The following BRAF variants were observed in gnomAD, a reference collection of about 807,000 sequenced individuals.
BRAF encodes the protein B-Raf proto-oncogene, serine/threonine kinase.
BRAF carries 16 observed loss-of-function variants against 104.6 expected under a neutral mutation model. The observed-to-expected ratio is 0.15, with a 90% CI of 0.10 to 0.23. The LOEUF is 0.23. Among genes scored for constraint, BRAF ranks in the 10% least tolerant of loss-of-function variants. The pLI is 1.00. For missense variants in BRAF, 541 were observed against 937.3 expected, an observed-to-expected ratio of 0.58 and a Z score of 5.52; for synonymous variants, 310 against 341.6, an observed-to-expected ratio of 0.91 and a Z score of 1.02.
At chr7:140,801,630 T>G in intron 5 of BRAF, 70 bp from the exon 6 acceptor site, 1 of 1,457,742 alleles carries the variant, frequency 6.9e-7, no homozygotes, top group African/African-American at 1.4e-5. Flanking sequence ...ACGTATCTAC[T>G]CTCTTGTTTA....
chr7:140,727,187 T>C (rs1476863391), intron 19 of BRAF, among the ~76,000 whole-genome samples: 2 of 147,600 alleles, frequency 1.4e-5, no homozygotes, highest in African/African-American at 4.9e-5. Context: ...ATTTTTTTCT[T>C]TTTTTTTTTT....
intron 14 of BRAF, among the ~76,000 whole-genome samples, chr7:140,769,225 G>A (rs572407678): frequency 3.9e-5 from 6 of 151,988 alleles, no homozygotes; most frequent in South Asian, 4.2e-4. Flanking sequence ...TACAGGCACC[G>A]GCCACCATGC....
intron 19 of BRAF, chr7:140,730,773 T>C (rs185928006): frequency 6.6e-6 from 1 of 152,130 alleles, no homozygotes; most frequent in East Asian, 1.9e-4. Flanking sequence ...TCATGGTTTA[T>C]GTGAAAGCTA....
intron 2 of BRAF, among the ~76,000 whole-genome samples, chr7:140,840,498 A>G (rs545513340): frequency 1.3e-5 from 2 of 152,160 alleles, no homozygotes; most frequent in African/African-American, 4.8e-5. Context: ...TAGAATATAT[A>G]AAGAACTCCT....
intron 2 of BRAF, among the ~76,000 whole-genome samples, chr7:140,839,797 T>A (rs1189151244): frequency 6.6e-6 from 1 of 152,152 alleles, no homozygotes; most frequent in Non-Finnish European, 1.5e-5. Context: ...CACCAGACAT[T>A]CCCTACAAGG....
chr7:140,723,854 C>T lies in BRAF; in HGVS notation c.*2640G>A, dbSNP rs1585891968. ...TTTTCACAAATAAGGACTTCTTCCT[C>T]GTTTTTTTAGGAGCTCAGTAAGTCT... On this transcript the variant is annotated 3_prime_UTR_variant, in exon 20 of 20. Transcript: ENST00000644969. 2 of 1,044,792 alleles carry T rather than the reference C, an allele frequency of 1.9e-6. No homozygotes were observed. The highest frequency in any genetic ancestry group is 2.3e-6 in the Non-Finnish European group (2 of 866,362). 64.7% of individuals were successfully genotyped at this position (1,044,792 alleles called of 1,614,324 possible). A position where few individuals can be genotyped will look rare whatever the true frequency, so the allele number is the denominator to read the frequency against.
intron 1 of BRAF, among the ~76,000 whole-genome samples, chr7:140,871,972 T>G (rs1285278586): frequency 6.6e-6 from 1 of 152,094 alleles, no homozygotes; most frequent in Non-Finnish European, 1.5e-5. Context: ...ATCCTAGCAC[T>G]TTGGGAGGCC....
intron 3 of BRAF, among the ~76,000 whole-genome samples, chr7:140,831,072 A>G (rs1806683444): frequency 6.6e-6 from 1 of 152,148 alleles, no homozygotes; most frequent in South Asian, 2.1e-4. Context: ...TGAGCTCTTA[A>G]CCTGTGGGGT....
At chr7:140,824,158 A>G (rs933942709) in intron 3 of BRAF, 2 of 152,020 alleles carry the variant, frequency 1.3e-5, no homozygotes, top group Non-Finnish European at 2.9e-5. Context: ...TAATAGTACA[A>G]TTTTTCCATT....
At chr7:140,828,844 A>G (rs376913500) in intron 3 of BRAF, among the ~76,000 whole-genome samples, 15 of 152,350 alleles carry the variant, frequency 9.8e-5, no homozygotes, top group East Asian at 3.9e-4. Flanking sequence ...ATAAGCTGTG[A>G]TACTTCACAT....
chr7:140,801,226 C>G, intron 6 of BRAF, 186 bp downstream of exon 6: 1 of 622,760 alleles, frequency 1.6e-6, no homozygotes, highest in Non-Finnish European at 2.8e-6. Flanking sequence ...GCTGAACCAG[C>G]ATTACAATTT....
chr7:140,819,535 T>C (rs977266221), intron 3 of BRAF, among the ~76,000 whole-genome samples: 4 of 152,200 alleles, frequency 2.6e-5, no homozygotes, highest in Non-Finnish European at 5.9e-5. Flanking sequence ...TGAATACGAA[T>C]GTTCACAGCA....
At chr7:140,788,627 C>T (rs1467678049) in intron 8 of BRAF, among the ~76,000 whole-genome samples, 2 of 152,060 alleles carry the variant, frequency 1.3e-5, no homozygotes, top group African/African-American at 2.4e-5. Flanking sequence ...GTTGCTCTGT[C>T]GCCCAGGCTG....
Position 140,726,337 on chromosome 7 carries a change from G to T in BRAF, c.*157C>A. 7.0e-7 allele frequency: 1 copy of T among 1,436,972 alleles called. No individual in the cohort carries two copies. The highest frequency in any genetic ancestry group is 1.5e-5 in the South Asian group (1 of 65,330). The allele number at this position is 1,436,972 out of a possible 1,614,324, so 89.0% of individuals were successfully genotyped here. A position where few individuals can be genotyped will look rare whatever the true frequency, so the allele number is the denominator to read the frequency against. ...TTCCTAAAACATTCTTTCCTCTTTTGTTGGATGGGAAATTCCATTCTGTTC... is the reference window on the plus strand; with the variant it reads ...TTCCTAAAACATTCTTTCCTCTTTTTTTGGATGGGAAATTCCATTCTGTTC... On this transcript the variant is annotated 3_prime_UTR_variant, in exon 20 of 20. Coordinates refer to ENST00000644969, the MANE Select transcript of BRAF (RefSeq NM_001374258.1).
At chr7:140,729,290 A>G (rs937237153) in intron 19 of BRAF, among the ~76,000 whole-genome samples, 1 of 152,134 alleles carries the variant, frequency 6.6e-6, no homozygotes, top group African/African-American at 2.4e-5. Flanking sequence ...TGTTCATTAT[A>G]ATGATTAGAA....
At chr7:140,742,441 G>A (rs1474132687) in intron 17 of BRAF, among the ~76,000 whole-genome samples, 6 of 152,018 alleles carry the variant, frequency 3.9e-5, no homozygotes, top group African/African-American at 9.7e-5. Context: ...TGATCCACCC[G>A]CCTCAGCCTC....
intron 1 of BRAF, among the ~76,000 whole-genome samples, chr7:140,867,954 A>T (rs1342137090): frequency 2.0e-5 from 3 of 152,180 alleles, no homozygotes; most frequent in Admixed American, 6.5e-5. Flanking sequence ...TTAAAATGCA[A>T]ATATGCAAGT....
chr7:140,825,788 CCTAGT>C (rs1805982601), intron 3 of BRAF, among the ~76,000 whole-genome samples: 1 of 152,102 alleles, frequency 6.6e-6, no homozygotes, highest in African/African-American at 2.4e-5. Context: ...AACAAATTTT[CCTAGT>C]CTAATTTTAA....
chr7:140,793,745 C>T (rs1257609002), intron 8 of BRAF, among the ~76,000 whole-genome samples: 2 of 152,142 alleles, frequency 1.3e-5, no homozygotes, highest in Admixed American at 6.5e-5. Flanking sequence ...CCCACCTCAC[C>T]CTCCAGAGTA....
Sources: allele counts gnomAD v4.1 joint callset (sites outside exome capture counted in the v4.1 genomes callset), GRCh38; gene constraint gnomAD v4.1.1; transcripts MANE v1.5; gene names NCBI Gene and HGNC (gene_info 2026-07-23, HGNC 2026-07-21).